LGR5: variants seen among roughly 807,000 people sequenced by gnomAD.
The protein encoded by LGR5 is leucine-rich repeat-containing G protein-coupled receptor 5.
A neutral mutation model predicts 76.7 loss-of-function variants in LGR5; 54 were observed. The ratio of observed to expected loss-of-function variants is 0.70; its 90% confidence interval spans 0.57 to 0.88. The LOEUF (loss-of-function observed/expected upper bound fraction) is 0.88. Among genes scored for constraint, LGR5 ranks in the 40% least tolerant of loss-of-function variants. The pLI, the probability that LGR5 is intolerant of heterozygous loss-of-function variation, is 0.00. For missense variants in LGR5, 1,078 were observed against 1,073.3 expected, an observed-to-expected ratio of 1.00 and a Z score of -0.06; for synonymous variants, 406 against 421.9, an observed-to-expected ratio of 0.96 and a Z score of 0.46.
rs531257187 is a variant in LGR5, at chr12:71,440,167, G to A, written c.87G>A (p.Val29=). 68 of 1,611,594 alleles carry A rather than the reference G, an allele frequency of 4.2e-5. No individual in the cohort carries two copies. In the East Asian group the frequency reaches 1.4e-3, roughly 34 times the overall value. The part of the protein sequence containing the change: ...ATGGSSPRSG[V]LLRGCPTHCH... Reference sequence around the variant, plus strand: ...GGGGCAGCTCTCCCAGGTCTGGTGTGTTGCTGAGGGGCTGCCCCACACACT... The same window carrying A: ...GGGGCAGCTCTCCCAGGTCTGGTGTATTGCTGAGGGGCTGCCCCACACACT... The change falls in exon 1 of 18, where the codon GTG becomes GTA. Residue 29 remains valine (V), a synonymous_variant. Transcript: ENST00000266674. This position sits in a 1 kb window ranked among gnomAD's most constrained non-coding sequence, Gnocchi z 5.3.
intron 3 of LGR5, among the ~76,000 whole-genome samples, chr12:71,534,705 C>A (rs1031836841): frequency 3.9e-5 from 6 of 152,166 alleles, no homozygotes; most frequent in Non-Finnish European, 7.4e-5. Context: ...AAGCAAGCTC[C>A]CTCCAGCCTC....
Position 71,566,649 on chromosome 12 carries a change from C to A in LGR5, c.947C>A (p.Ser316Ter). The A allele has an allele frequency of 6.2e-7, 1 of 1,613,166 alleles. No homozygotes were observed. Among genetic ancestry groups the A allele is most frequent in the Non-Finnish European group, 8.5e-7 (1 of 1,179,300 alleles). ...ELRTLTLNGA[S>*]QITEFPDLTG... ...CTTTCTAGGACTCTGAATGGTGCCT[C>A]ACAAATAACTGAATTTCCTGATTTA... The change falls in exon 10 of 18, where the codon TCA becomes TAA. Residue 316 changes from serine (S) to a stop codon, truncating the protein, a stop_gained. Coordinates refer to ENST00000266674, the MANE Select transcript of LGR5 (RefSeq NM_003667.4). LOFTEE classifies it high-confidence loss of function.
chr12:71,475,352 C>T (rs1399108053), intron 1 of LGR5, among the ~76,000 whole-genome samples: 1 of 152,070 alleles, frequency 6.6e-6, no homozygotes, highest in African/African-American at 2.4e-5. Context: ...GAACTGCCAC[C>T]CAAGAGATTT....
intron 11 of LGR5, chr12:71,567,251 AACC>A: frequency 3.6e-6 from 1 of 275,846 alleles, no homozygotes; most frequent in Non-Finnish European, 7.1e-6. Flanking sequence ...ATAATGGATC[AACC>A]ACCCAATATG....
intron 3 of LGR5, among the ~76,000 whole-genome samples, chr12:71,531,481 G>A (rs1160991627): frequency 6.6e-6 from 1 of 152,074 alleles, no homozygotes; most frequent in Non-Finnish European, 1.5e-5. Context: ...GGCTTAAATT[G>A]TTTTTTTGTT....
chr12:71,569,550 T>A (rs1421357962), intron 11 of LGR5, among the ~76,000 whole-genome samples: 3 of 152,046 alleles, frequency 2.0e-5, no homozygotes, highest in Admixed American at 1.3e-4. Context: ...AACAAACAGA[T>A]GAAAAATAGT....
chr12:71,570,202 G>A (rs968058747), intron 11 of LGR5, among the ~76,000 whole-genome samples: 5 of 152,126 alleles, frequency 3.3e-5, no homozygotes, highest in African/African-American at 1.2e-4. Context: ...AAGCTAATGC[G>A]TCCGGGGCTT....
rs769984759 is a variant in LGR5 at position 71,583,849 on chromosome 12, G to A, written c.1839G>A (p.Leu613=). The part of the protein sequence containing the change: ...NMLTGVSSAV[L]AGVDAFTFGS... The stretch of plus-strand genomic sequence containing the variant: ...TCACGGGAGTCTCCAGTGCCGTGCT[G>A]GCTGGTGTGGATGCGTTCACTTTTG... Residue 613 remains leucine (L), a synonymous_variant, in exon 18 of 18, where the codon CTG becomes CTA. Coordinates refer to ENST00000266674, the MANE Select transcript of LGR5 (RefSeq NM_003667.4). The A allele has an allele frequency of 1.2e-6, 2 of 1,614,146 alleles. No homozygotes were observed. The highest frequency in any genetic ancestry group is 1.7e-6 in the Non-Finnish European group (2 of 1,180,018).
intron 1 of LGR5, among the ~76,000 whole-genome samples, chr12:71,470,819 CACTCT>C (rs1381463584): frequency 1.3e-5 from 2 of 152,190 alleles, no homozygotes; most frequent in Admixed American, 6.5e-5. Context: ...TTGTCTTCCT[CACTCT>C]ACTCTACCTA....
In LGR5 at chr12:71,580,392, TAAGA is replaced by T. The variant is rs1426254404; in HGVS notation, c.1526_1529del (p.Lys509MetfsTer24). The T allele has an allele frequency of 6.2e-7, 1 of 1,613,776 alleles. No homozygotes were observed. On this transcript the variant is annotated frameshift_variant, in exon 16 of 18. Coordinates refer to ENST00000266674, the MANE Select transcript of LGR5 (RefSeq NM_003667.4). LOFTEE classifies it high-confidence loss of function. ...ACAACAGCAGTATGGACGACCTTCA[TAAGA>T]AAGATGCTGGAATGTTTCAGGCTCA...
At chr12:71,555,261 A>T (rs967457506) in intron 5 of LGR5, among the ~76,000 whole-genome samples, 1 of 152,166 alleles carries the variant, frequency 6.6e-6, no homozygotes, top group Non-Finnish European at 1.5e-5. Context: ...CTACTGACCC[A>T]CCAGAAGCTG....
chr12:71,540,677 G>C (rs1418206020), intron 4 of LGR5, among the ~76,000 whole-genome samples: 1 of 152,168 alleles, frequency 6.6e-6, no homozygotes, highest in East Asian at 1.9e-4. Context: ...GGGGCTCACT[G>C]TGCTGAGCAG....
chr12:71,579,018 G>A (rs537851715), intron 15 of LGR5, 89 bp downstream of exon 15: 16 of 1,228,206 alleles, frequency 1.3e-5, no homozygotes, highest in South Asian at 8.7e-5. Flanking sequence ...TTATGAGGTC[G>A]TGAGACACTT....
intron 4 of LGR5, among the ~76,000 whole-genome samples, chr12:71,550,753 C>T (rs770982499): frequency 2.6e-5 from 4 of 152,092 alleles, no homozygotes; most frequent in Admixed American, 6.6e-5. Context: ...TGTGAGCCAA[C>T]GGGCCCAGCC....
intron 1 of LGR5, among the ~76,000 whole-genome samples, chr12:71,497,005 G>T (rs544856874): frequency 6.6e-6 from 1 of 152,128 alleles, no homozygotes; most frequent in East Asian, 1.9e-4. Context: ...AGTTAATGAG[G>T]TGTGTTCATA....
intron 9 of LGR5, 48 bp from the exon 10 acceptor site, chr12:71,566,584 C>G: frequency 6.4e-7 from 1 of 1,554,716 alleles, no homozygotes; most frequent in African/African-American, 1.4e-5. Context: ...AAAAATTACC[C>G]CTGTCTAGAA....
rs1463085082 is a variant in LGR5, at chr12:71,537,983, C to T, written c.428+2797C>T. Among the ~76,000 whole-genome samples the T allele has an allele frequency of 1.3e-5, 2 of 151,774 alleles. 1 individual carries two copies. The highest frequency in any genetic ancestry group is 4.2e-4 in the South Asian group (2 of 4,812). ...CTTGAATTCACTTTATTTTTCTCCA[C>T]GTTATTATTTTTCTTGGATTATACA... On this transcript the variant is annotated intron_variant, in intron 4 of 17. Transcript: ENST00000266674.
At chr12:71,475,700 G>A (rs1873303883) in intron 1 of LGR5, among the ~76,000 whole-genome samples, 1 of 152,050 alleles carries the variant, frequency 6.6e-6, no homozygotes, top group African/African-American at 2.4e-5. Context: ...AAGTGTCAGG[G>A]CCTCTTGGAA....
intron 4 of LGR5, among the ~76,000 whole-genome samples, chr12:71,538,366 G>T (rs1367915915): frequency 1.3e-5 from 2 of 151,980 alleles, no homozygotes; most frequent in African/African-American, 4.8e-5. Context: ...AAATTAAAAA[G>T]TTAGCTGGGC....
Sources: gnomAD v4.1 joint callset for allele counts (sites outside exome capture counted in the v4.1 genomes callset) on GRCh38, gnomAD v4.1.1 for gene constraint, Gnocchi (gnomAD v3.1) non-coding constraint, MANE v1.5 for transcripts, NCBI Gene and HGNC (gene_info 2026-07-23, HGNC 2026-07-21) for gene names.